Variants in OCA2 observed in about 807,000 individuals in gnomAD.
The protein encoded by OCA2 is OCA2 melanosomal transmembrane protein.
Under a neutral mutation model 100.2 loss-of-function variants are expected in OCA2, and 77 were observed. That is an observed-to-expected ratio of 0.77 (90% confidence interval 0.64 to 0.93). The LOEUF (loss-of-function observed/expected upper bound fraction) is 0.93. OCA2 is among the 40% of genes least tolerant of loss of function. The pLI is 0.00. For synonymous variants in OCA2, 432 were observed against 439.2 expected (o/e 0.98, Z 0.21); for missense variants, 1,062 against 1,089.1 (o/e 0.98, Z 0.35).
chr15:27,936,517 T>C (rs1208422604), intron 18 of OCA2, among the ~76,000 whole-genome samples: 1 of 152,234 alleles, frequency 6.6e-6, no homozygotes, highest in Non-Finnish European at 1.5e-5. Flanking sequence ...CGTGTCTTCC[T>C]GCACTGCTTG....
intron 14 of OCA2, among the ~76,000 whole-genome samples, chr15:27,975,147 G>A (rs2040925361): frequency 6.6e-6 from 1 of 152,100 alleles, no homozygotes; most frequent in Non-Finnish European, 1.5e-5. Context: ...GGACTGTAAG[G>A]GCAGGCTTAA....
intron 2 of OCA2, among the ~76,000 whole-genome samples, chr15:28,070,528 G>A (rs1198231741): frequency 7.0e-5 from 10 of 143,764 alleles, no homozygotes; most frequent in South Asian, 2.3e-4. Context: ...CGCCCCGTCC[G>A]GGAGGGAGGT....
At chr15:27,922,026 A>G (rs1368649956) in intron 19 of OCA2, among the ~76,000 whole-genome samples, 3 of 152,260 alleles carry the variant, frequency 2.0e-5, no homozygotes, top group Admixed American at 2.0e-4. Context: ...ATCATAAGAA[A>G]CAAAAACTAC....
rs1203172498 is a variant in OCA2, at chr15:28,099,312, G to A, written c.-110C>T. ...GAGCGGAGCACAGCCTTCGAAGTAA[G>A]AACTCAGAGGGAGCTCGGCGCTCCC... On this transcript the variant is annotated 5_prime_UTR_variant, in exon 1 of 24. Coordinates refer to ENST00000354638, the MANE Select transcript of OCA2 (RefSeq NM_000275.3). 1 of 152,436 alleles carries A rather than the reference G, an allele frequency of 6.6e-6. No homozygotes were observed. Among genetic ancestry groups the A allele is most frequent in the Admixed American group, 6.5e-5 (1 of 15,280 alleles). The allele number at this position is 152,436 out of a possible 1,614,324, so 9.4% of individuals were successfully genotyped here.
chr15:27,769,862 A>G (rs376534354), intron 23 of OCA2, among the ~76,000 whole-genome samples: 7 of 151,406 alleles, frequency 4.6e-5, no homozygotes, highest in Non-Finnish European at 8.8e-5. Flanking sequence ...CCTCCCCAGC[A>G]CCTCGGCCTG....
intron 21 of OCA2, among the ~76,000 whole-genome samples, chr15:27,869,951 AT>A (rs1167372090): frequency 6.6e-6 from 1 of 152,248 alleles, no homozygotes; most frequent in Non-Finnish European, 1.5e-5. Flanking sequence ...CACCAAAAAA[AT>A]AACAGCCACC....
intron 22 of OCA2, among the ~76,000 whole-genome samples, chr15:27,847,415 C>T (rs1016440414): frequency 7.9e-5 from 12 of 152,212 alleles, no homozygotes; most frequent in Non-Finnish European, 1.8e-4. Flanking sequence ...CTGGCACCAA[C>T]ACATTTTGAT....
At position 27,957,614 on chromosome 15, in the gene OCA2, G is replaced by A. The variant is rs769393141; in HGVS notation, c.1758C>T (p.Leu586=). Residue 586 remains leucine (L), a synonymous_variant, in exon 16 of 24, where the codon CTC becomes CTT. Transcript: ENST00000354638. The surrounding 1 kb of genome is among the most constrained non-coding windows in gnomAD (Gnocchi z 4.3). Reference sequence around the variant, plus strand: ...TGTGGAAGGTGTGCAGCCTCCGGGCGAGCAGGTGCTCCAGTGCCAGCACCT... The same window carrying A: ...TGTGGAAGGTGTGCAGCCTCCGGGCAAGCAGGTGCTCCAGTGCCAGCACCT... ...LGKVLALEHL[L]ARRLHTFHRQ... 21 of 1,612,708 alleles carry A rather than the reference G, an allele frequency of 1.3e-5. No homozygotes were observed. Among genetic ancestry groups the A allele is most frequent in the Middle Eastern group, 1.7e-4 (1 of 6,020 alleles).
Position 27,957,472 on chromosome 15 carries a change from C to A in OCA2, c.1784+116G>T. The A allele has an allele frequency of 2.4e-6, 3 of 1,235,520 alleles. No homozygotes were observed. The South Asian group carries it at 3.7e-5, about 15-fold the overall frequency. The allele number at this position is 1,235,520 out of a possible 1,614,324, so 76.5% of individuals were successfully genotyped here. A position where few individuals can be genotyped will look rare whatever the true frequency, so the allele number is the denominator to read the frequency against. On this transcript the variant is annotated intron_variant, in intron 16 of 23. Transcript: ENST00000354638. The surrounding 1 kb of genome is among the most constrained non-coding windows in gnomAD (Gnocchi z 4.3). ...AAAATGTACTATAAGAGGCTTAGCA[C>A]AGTGTGCGTCACCTAAATATCACGT... is the stretch of plus-strand genomic sequence containing the variant.
chr15:27,805,518 G>C (rs1168424146), intron 23 of OCA2, among the ~76,000 whole-genome samples: 1 of 152,184 alleles, frequency 6.6e-6, no homozygotes, highest in Non-Finnish European at 1.5e-5. Flanking sequence ...ACCCCAGCAC[G>C]AGGCCCTGGG....
rs551379080 is a variant in OCA2, at chr15:28,046,156, A to T, written c.228-13993T>A. On this transcript the variant is annotated intron_variant, in intron 2 of 23. Coordinates refer to ENST00000354638, the MANE Select transcript of OCA2 (RefSeq NM_000275.3). ...TCATCCTCCCTCTCTCTTCTTCCAC[A>T]CTCCAGATGGACTTTACCCGCAGTG... Among the ~76,000 whole-genome samples the T allele has an allele frequency of 2.4e-3, 368 of 152,158 alleles. 5 individuals are homozygous for T. The South Asian group carries it at 0.037, about 15-fold the overall frequency.
rs1298224779 is a variant in OCA2, at chr15:28,070,461, C to T, written c.227+11187G>A. The stretch of plus-strand genomic sequence containing the variant: ...AGATGGGGGGGTCAGCCCCCCCACC[C>T]GGCCAGCCGCCCAGTCCGGGAGGGA... On this transcript the variant is annotated intron_variant, in intron 2 of 23. Transcript: ENST00000354638. Among the ~76,000 whole-genome samples the T allele has an allele frequency of 1.0e-4, 13 of 123,842 alleles. 1 individual carries two copies. The highest frequency in any genetic ancestry group is 4.4e-4 in the African/African-American group (10 of 22,898). The allele number at this position is 123,842 out of a possible 152,430, so 81.2% of individuals were successfully genotyped here.
intron 19 of OCA2, among the ~76,000 whole-genome samples, chr15:27,913,115 A>T (rs1341281369): frequency 6.6e-6 from 1 of 152,232 alleles, no homozygotes; most frequent in Non-Finnish European, 1.5e-5. Flanking sequence ...GAAATGTGGG[A>T]TTCTGGATAG....
chr15:27,805,765 G>A (rs779632704), intron 23 of OCA2, among the ~76,000 whole-genome samples: 3 of 152,116 alleles, frequency 2.0e-5, no homozygotes, highest in Admixed American at 1.3e-4. Flanking sequence ...AAGACCCTCC[G>A]CGCCCCCCAC....
intron 23 of OCA2, among the ~76,000 whole-genome samples, chr15:27,841,998 T>G (rs1279743270): frequency 1.3e-5 from 2 of 152,238 alleles, no homozygotes; most frequent in Non-Finnish European, 2.9e-5. Context: ...TAACCAGCGG[T>G]TCTATGTCAG....
chr15:28,045,864 C>G (rs1292057991), intron 2 of OCA2, among the ~76,000 whole-genome samples: 1 of 152,174 alleles, frequency 6.6e-6, no homozygotes, highest in Admixed American at 6.5e-5. Context: ...CTTAAGACAC[C>G]TAAAATATCC....
intron 23 of OCA2, among the ~76,000 whole-genome samples, chr15:27,824,447 T>C: frequency 6.6e-6 from 1 of 151,014 alleles, no homozygotes; most frequent in Non-Finnish European, 1.5e-5. Flanking sequence ...GAGATAATGA[T>C]CAAGGGCATC....
chr15:27,878,048 A>G lies in OCA2; in HGVS notation c.2080-6126T>C, dbSNP rs145616849. 4.2e-3 allele frequency among the ~76,000 whole-genome samples: 643 copies of G among 151,674 alleles called. 6 individuals are homozygous for G. Among genetic ancestry groups the G allele is most frequent in the African/African-American group, 0.015 (613 of 41,454 alleles). On this transcript the variant is annotated intron_variant, in intron 19 of 23. Coordinates refer to ENST00000354638, the MANE Select transcript of OCA2 (RefSeq NM_000275.3). The stretch of plus-strand genomic sequence containing the variant: ...TTATATTTTAGTACTTACTCCGTGA[A>G]TTAAAATATACATACATAACTTCTC...
intron 21 of OCA2, among the ~76,000 whole-genome samples, chr15:27,862,218 C>CAGAAAGCAT (rs2036160930): frequency 7.5e-5 from 4 of 53,492 alleles, no homozygotes; most frequent in East Asian, 2.2e-3. Flanking sequence ...CGAGTCCTCA[C>CAGAAAGCAT]GGACAGAAAG....
Sources: allele counts gnomAD v4.1 joint callset (sites outside exome capture counted in the v4.1 genomes callset), GRCh38; gene constraint gnomAD v4.1.1; non-coding constraint Gnocchi (gnomAD v3.1); transcripts MANE v1.5; gene names NCBI Gene and HGNC (gene_info 2026-07-23, HGNC 2026-07-21).